The following DAAM1 variants were observed in gnomAD, a reference collection of about 807,000 sequenced individuals.
DAAM1 encodes disheveled-associated activator of morphogenesis 1.
A neutral mutation model predicts 130.0 loss-of-function variants in DAAM1; 52 were observed. The observed-to-expected ratio is 0.40, with a 90% CI of 0.32 to 0.50. The LOEUF is 0.50. DAAM1 is among the 20% of genes least tolerant of loss of function. The pLI is 0.61. For missense variants in DAAM1, 1,134 were observed against 1,303.8 expected, an observed-to-expected ratio of 0.87 and a Z score of 2.01; for synonymous variants, 452 against 444.5, an observed-to-expected ratio of 1.02 and a Z score of -0.21.
At chr14:59,232,144 T>A (rs149314236) in intron 1 of DAAM1, among the ~76,000 whole-genome samples, 1 of 152,202 alleles carries the variant, frequency 6.6e-6, no homozygotes, top group Non-Finnish European at 1.5e-5. Flanking sequence ...ATTTCTCACC[T>A]TGTTTTTCTA....
At chr14:59,359,568 A>G in intron 21 of DAAM1, 64 bp downstream of exon 21, 1 of 1,236,842 alleles carries the variant, frequency 8.1e-7, no homozygotes. Context: ...CCATTGAGGT[A>G]GTTTGCACTG....
At position 59,348,221 on chromosome 14, in the gene DAAM1, AT is replaced by A. The variant is rs563535470; in HGVS notation, c.2160+601del. Among the ~76,000 whole-genome samples the A allele has an allele frequency of 1.6e-4, 24 of 152,278 alleles. No individual in the cohort carries two copies. The South Asian group carries it at 4.8e-3, about 30-fold the overall frequency. On this transcript the variant is annotated intron_variant, in intron 17 of 24. Transcript: ENST00000360909. ...AAATGCCAGGGGTAGCAAGAATGGG[AT>A]TTACACCCAGTCAGATTACATCTTT...
intron 2 of DAAM1, among the ~76,000 whole-genome samples, chr14:59,269,833 A>C (rs958098581): frequency 6.6e-6 from 1 of 152,224 alleles, no homozygotes; most frequent in African/African-American, 2.4e-5. Flanking sequence ...GAGTGAGAGA[A>C]GGCATGGAAG....
At chr14:59,338,259 C>A in intron 15 of DAAM1, 1 of 907,150 alleles carries the variant, frequency 1.1e-6, no homozygotes, top group Non-Finnish European at 1.8e-6. Context: ...ATCCCAGGGG[C>A]ATAAATCATC....
intron 1 of DAAM1, among the ~76,000 whole-genome samples, chr14:59,212,893 T>G (rs1170391230): frequency 6.6e-6 from 1 of 152,338 alleles, no homozygotes; most frequent in African/African-American, 2.4e-5. Flanking sequence ...ACCTTGAATT[T>G]CTTTAACACT....
At chr14:59,316,061 G>A (rs1233378872) in intron 4 of DAAM1, among the ~76,000 whole-genome samples, 1 of 152,142 alleles carries the variant, frequency 6.6e-6, no homozygotes, top group Non-Finnish European at 1.5e-5. Flanking sequence ...CAGAAAATAA[G>A]TCATCAACCT....
chr14:59,293,608 A>G (rs1883838993), intron 3 of DAAM1, among the ~76,000 whole-genome samples: 2 of 152,208 alleles, frequency 1.3e-5, no homozygotes, highest in Non-Finnish European at 2.9e-5. Context: ...CTTAGCAATC[A>G]GTGGGAAAGC....
chr14:59,289,784 A>ATATATATATATATATACACATAT, intron 2 of DAAM1, among the ~76,000 whole-genome samples: 1 of 128,774 alleles, frequency 7.8e-6, no homozygotes, highest in African/African-American at 2.9e-5. Context: ...ATATATATAT[A>ATATATATATATATATACACATAT]ATGGAATGCT....
At chr14:59,354,412 AGG>A (rs770101781) in intron 19 of DAAM1, among the ~76,000 whole-genome samples, 3 of 151,876 alleles carry the variant, frequency 2.0e-5, no homozygotes, top group Non-Finnish European at 2.9e-5. Context: ...TAAAATTCTG[AGG>A]GGTGATTACT....
chr14:59,368,207 A>C (rs971644399), intron 24 of DAAM1, among the ~76,000 whole-genome samples: 3 of 116,774 alleles, frequency 2.6e-5, no homozygotes, highest in African/African-American at 8.4e-5. Flanking sequence ...TTGGCTTTTA[A>C]TAACAGTAAC....
At chr14:59,253,002 G>A (rs75677023) in intron 1 of DAAM1, among the ~76,000 whole-genome samples, 269 of 152,250 alleles carry the variant, frequency 1.8e-3, no homozygotes, top group African/African-American at 6.2e-3. Flanking sequence ...AAAGTGTTGT[G>A]CTCTAGCTTT....
chr14:59,190,640 C>G (rs1025511631), intron 1 of DAAM1, among the ~76,000 whole-genome samples: 1 of 152,210 alleles, frequency 6.6e-6, no homozygotes, highest in South Asian at 2.1e-4. Flanking sequence ...TTGGGTCCTA[C>G]TCTGGCTCTG....
At chr14:59,279,034 CA>C in intron 2 of DAAM1, among the ~76,000 whole-genome samples, 1 of 152,280 alleles carries the variant, frequency 6.6e-6, no homozygotes, top group East Asian at 1.9e-4. Context: ...GGGGCTCCAA[CA>C]AGCAGGCTTG....
chr14:59,193,612 A>T (rs1887798682), intron 1 of DAAM1, among the ~76,000 whole-genome samples: 1 of 152,220 alleles, frequency 6.6e-6, no homozygotes, highest in South Asian at 2.1e-4. Flanking sequence ...GCACAGCAAC[A>T]AGTGTGCAGA....
chr14:59,220,177 G>A (rs550466234), intron 1 of DAAM1, among the ~76,000 whole-genome samples: 2 of 152,258 alleles, frequency 1.3e-5, no homozygotes, highest in South Asian at 4.2e-4. Flanking sequence ...GAAATAGAAT[G>A]ATAAAGGAAG....
At chr14:59,207,638 C>T (rs1888303114) in intron 1 of DAAM1, among the ~76,000 whole-genome samples, 1 of 152,184 alleles carries the variant, frequency 6.6e-6, no homozygotes, top group African/African-American at 2.4e-5. Flanking sequence ...GTGAAAATGA[C>T]AACATCCTCG....
intron 1 of DAAM1, among the ~76,000 whole-genome samples, chr14:59,232,479 A>G (rs1889139368): frequency 6.6e-6 from 1 of 152,162 alleles, no homozygotes; most frequent in Non-Finnish European, 1.5e-5. Flanking sequence ...GGAGATGGAT[A>G]TGGTGGCTGT....
intron 23 of DAAM1, among the ~76,000 whole-genome samples, chr14:59,364,607 ATC>A (rs1173131781): frequency 2.0e-5 from 3 of 151,420 alleles, no homozygotes; most frequent in East Asian, 1.9e-4. Context: ...TACTCTACCC[ATC>A]TCTCAGTTGC....
In DAAM1 at chr14:59,212,407, A is replaced by G. The variant is rs1321224807; in HGVS notation, c.-38+23639A>G. ...AAGTCAAAGTTTTGAAGCACATATT[A>G]TGGCTTATGCTGTTGAAAACTCTCC... On this transcript the variant is annotated intron_variant, in intron 1 of 24. Transcript: ENST00000360909. Among the ~76,000 whole-genome samples the G allele has an allele frequency of 3.9e-5, 6 of 152,368 alleles. No homozygotes were observed. In the East Asian group the frequency reaches 1.2e-3, roughly 29 times the overall value.
Sources: gnomAD v4.1 joint callset for allele counts (sites outside exome capture counted in the v4.1 genomes callset) on GRCh38, gnomAD v4.1.1 for gene constraint, MANE v1.5 for transcripts, NCBI Gene and HGNC (gene_info 2026-07-23, HGNC 2026-07-21) for gene names.